The following TMEM38B variants were observed in gnomAD, a reference collection of about 807,000 sequenced individuals.
TMEM38B encodes the protein trimeric intracellular cation channel type B.
TMEM38B carries 24 observed loss-of-function variants against 28.7 expected under a neutral mutation model. The observed-to-expected ratio is 0.84, with a 90% CI of 0.61 to 1.18. TMEM38B has a LOEUF of 1.18. Among genes scored for constraint, TMEM38B ranks in the 50% most tolerant of loss-of-function variants. The pLI, the probability that TMEM38B is intolerant of heterozygous loss-of-function variation, is 0.00. For missense variants in TMEM38B, 380 were observed against 350.9 expected, an observed-to-expected ratio of 1.08 and a Z score of -0.66; for synonymous variants, 131 against 127.7, an observed-to-expected ratio of 1.03 and a Z score of -0.17.
chr9:105,722,693 A>G (rs550970970), intron 4 of TMEM38B, 72 bp downstream of exon 4: 6 of 1,262,408 alleles, frequency 4.8e-6, no homozygotes, highest in African/African-American at 1.5e-5. Context: ...TTTTAAGAAC[A>G]TTTTAGGGAC....
chr9:105,746,181 A>G (rs142741518), intron 4 of TMEM38B, among the ~76,000 whole-genome samples: 1 of 152,144 alleles, frequency 6.6e-6, no homozygotes, highest in East Asian at 1.9e-4. Context: ...CAGTATGGCC[A>G]TTTTCACGAT....
chr9:105,767,161 A>G (rs529715161), intron 5 of TMEM38B, among the ~76,000 whole-genome samples: 1 of 151,390 alleles, frequency 6.6e-6, no homozygotes, highest in African/African-American at 2.4e-5. Flanking sequence ...TTTTTCCTCC[A>G]TATGAGTAGG....
intron 4 of TMEM38B, among the ~76,000 whole-genome samples, chr9:105,739,506 T>G (rs530850146): frequency 6.6e-6 from 1 of 152,296 alleles, no homozygotes; most frequent in Admixed American, 6.5e-5. Context: ...GAATTATTGC[T>G]GTCTTATAAC....
rs530537870 is a variant in TMEM38B, at chr9:105,746,490, C to T, written c.543-1583C>T. On this transcript the variant is annotated intron_variant, in intron 4 of 5. Transcript: ENST00000374692. ...AGGAGATTTTGGGCTGAGACGATGG[C>T]GTTTTCTAAATATACAATCATGTCA... 1.4e-4 allele frequency among the ~76,000 whole-genome samples: 21 copies of T among 152,208 alleles called. No individual in the cohort carries two copies. In the South Asian group the frequency reaches 1.5e-3, roughly 11 times the overall value.
chr9:105,728,523 A>G (rs1447049013), intron 4 of TMEM38B, among the ~76,000 whole-genome samples: 1 of 152,184 alleles, frequency 6.6e-6, no homozygotes, highest in Non-Finnish European at 1.5e-5. Flanking sequence ...AGTCTTTGCT[A>G]TTATGAATAG....
chr9:105,739,054 G>T (rs565746583), intron 4 of TMEM38B, among the ~76,000 whole-genome samples: 8 of 152,004 alleles, frequency 5.3e-5, no homozygotes, highest in Admixed American at 3.9e-4. Flanking sequence ...ATGAATAGGG[G>T]CTCACCTTCA....
rs1433098593 is a variant in TMEM38B at position 105,776,124 on chromosome 9, G to C, written c.*2044G>C. On this transcript the variant is annotated 3_prime_UTR_variant, in exon 6 of 6. Coordinates refer to ENST00000374692, the MANE Select transcript of TMEM38B (RefSeq NM_018112.3). ...TTACCCAATGTGAAGTGTGAATAAG[G>C]CCTATAGGCCTGCCTCACACAGCTA... is the stretch of plus-strand genomic sequence containing the variant. The C allele has an allele frequency of 6.6e-6, 1 of 152,062 alleles. No individual in the cohort carries two copies. The highest frequency in any genetic ancestry group is 1.5e-5 in the Non-Finnish European group (1 of 68,014). The allele number at this position is 152,062 out of a possible 1,614,324, so 9.4% of individuals were successfully genotyped here. A position where few individuals can be genotyped will look rare whatever the true frequency, so the allele number is the denominator to read the frequency against.
chr9:105,737,214 T>G (rs1008976170), intron 4 of TMEM38B, among the ~76,000 whole-genome samples: 6 of 152,154 alleles, frequency 3.9e-5, no homozygotes, highest in Non-Finnish European at 7.4e-5. Flanking sequence ...TCTGTGATGC[T>G]GAGGTTCACC....
intron 4 of TMEM38B, among the ~76,000 whole-genome samples, chr9:105,744,461 A>G (rs759535145): frequency 6.6e-6 from 1 of 152,238 alleles, no homozygotes; most frequent in Non-Finnish European, 1.5e-5. Flanking sequence ...TACGTATCCA[A>G]GTATGAAGGC....
chr9:105,745,082 T>C (rs1837339323), intron 4 of TMEM38B, among the ~76,000 whole-genome samples: 1 of 152,236 alleles, frequency 6.6e-6, no homozygotes, highest in Admixed American at 6.5e-5. Context: ...GCATGATTTA[T>C]AATCCTTTGA....
chr9:105,762,902 C>A (rs1437423928), intron 5 of TMEM38B, among the ~76,000 whole-genome samples: 1 of 141,990 alleles, frequency 7.0e-6, no homozygotes, highest in East Asian at 2.2e-4. Flanking sequence ...TATTTCTCCA[C>A]ATCCTCTCCA....
chr9:105,698,638 A>T (rs1018929929), intron 1 of TMEM38B, among the ~76,000 whole-genome samples: 2 of 152,094 alleles, frequency 1.3e-5, no homozygotes, highest in African/African-American at 2.4e-5. Context: ...GCAGTACTTC[A>T]TGTAAAATTT....
At chr9:105,719,444 G>A (rs2133574129) in intron 2 of TMEM38B, among the ~76,000 whole-genome samples, 1 of 152,268 alleles carries the variant, frequency 6.6e-6, no homozygotes, top group East Asian at 1.9e-4. Flanking sequence ...TTGGTTGAGG[G>A]ATTTATTAAA....
chr9:105,706,982 TG>T (rs1835695149), intron 2 of TMEM38B, among the ~76,000 whole-genome samples: 1 of 152,132 alleles, frequency 6.6e-6, no homozygotes, highest in Non-Finnish European at 1.5e-5. Flanking sequence ...TTCACAATGT[TG>T]GCCAGGCTGT....
chr9:105,718,324 C>T (rs1007361654), intron 2 of TMEM38B, among the ~76,000 whole-genome samples: 1 of 151,674 alleles, frequency 6.6e-6, no homozygotes, highest in Non-Finnish European at 1.5e-5. Flanking sequence ...CTGCAACCTC[C>T]GCCTCCTGGG....
intron 2 of TMEM38B, among the ~76,000 whole-genome samples, chr9:105,714,667 T>C (rs536885638): frequency 3.8e-4 from 58 of 152,352 alleles, no homozygotes; most frequent in African/African-American, 1.3e-3. Flanking sequence ...ATATCGAAGC[T>C]CAAATTATCC....
intron 5 of TMEM38B, among the ~76,000 whole-genome samples, chr9:105,767,682 A>T (rs1826420254): frequency 6.6e-6 from 1 of 152,142 alleles, no homozygotes; most frequent in Admixed American, 6.5e-5. Context: ...GAAGTAGTTC[A>T]TATTTTTGGA....
chr9:105,723,929 A>C (rs2133580556), intron 4 of TMEM38B, among the ~76,000 whole-genome samples: 1 of 152,100 alleles, frequency 6.6e-6, no homozygotes, highest in Admixed American at 6.5e-5. Flanking sequence ...TCCGCCTCCC[A>C]GGTTCAAGCA....
chr9:105,758,677 G>C, intron 5 of TMEM38B: 1 of 764,348 alleles, frequency 1.3e-6, no homozygotes, highest in Non-Finnish European at 2.4e-6. Context: ...CTGCCACGAA[G>C]ACATCCAGAA....
Sources: gnomAD v4.1 joint callset for allele counts (sites outside exome capture counted in the v4.1 genomes callset) on GRCh38, gnomAD v4.1.1 for gene constraint, MANE v1.5 for transcripts, NCBI Gene and HGNC (gene_info 2026-07-23, HGNC 2026-07-21) for gene names.